Variants in ZNRF1 observed in about 807,000 individuals in gnomAD.
The protein encoded by ZNRF1 is zinc and ring finger 1.
ZNRF1 carries 3 observed loss-of-function variants against 18.4 expected under a neutral mutation model. The observed-to-expected ratio is 0.16, with a 90% confidence interval of 0.07 to 0.42. ZNRF1 has a LOEUF of 0.42. ZNRF1 is among the 10% of genes least tolerant of loss of function. The pLI is 0.99. For synonymous variants in ZNRF1, 157 were observed against 144.2 expected (o/e 1.09, Z -0.64); for missense variants, 310 against 329.8 (o/e 0.94, Z 0.47).
intron 1 of ZNRF1, among the ~76,000 whole-genome samples, chr16:75,032,994 A>G (rs926090414): frequency 2.6e-5 from 4 of 152,184 alleles, no homozygotes; most frequent in African/African-American, 7.2e-5. Flanking sequence ...TCTGGGTGAC[A>G]GAGCAAGACT....
chr16:75,106,949 G>A, intron 4 of ZNRF1: 1 of 211,882 alleles, frequency 4.7e-6, no homozygotes, highest in South Asian at 7.9e-5. Flanking sequence ...CTGAGTCTCC[G>A]CCTCTTCTAT....
chr16:75,075,107 A>T (rs1483091045), intron 1 of ZNRF1, among the ~76,000 whole-genome samples: 3 of 18,186 alleles, frequency 1.6e-4, no homozygotes, highest in Non-Finnish European at 3.4e-4. Flanking sequence ...GGTGGGTGGG[A>T]GGGAGTAAAT....
At chr16:75,036,718 A>G (rs1052054345) in intron 1 of ZNRF1, among the ~76,000 whole-genome samples, 1 of 152,178 alleles carries the variant, frequency 6.6e-6, no homozygotes, top group Non-Finnish European at 1.5e-5. Context: ...TTTAAAAGGG[A>G]TACTAATACC....
At chr16:75,005,861 G>A (rs2034910710) in intron 1 of ZNRF1, among the ~76,000 whole-genome samples, 2 of 152,092 alleles carry the variant, frequency 1.3e-5, no homozygotes, top group African/African-American at 4.8e-5. Flanking sequence ...TCTGAGAAAT[G>A]GGTCATTAAG....
At chr16:75,101,544 CAA>C (rs141541765) in intron 2 of ZNRF1, among the ~76,000 whole-genome samples, 1 of 146,406 alleles carries the variant, frequency 6.8e-6, no homozygotes, top group South Asian at 2.2e-4. Flanking sequence ...GACTCCATGT[CAA>C]AAAAAAAAGA....
intron 1 of ZNRF1, among the ~76,000 whole-genome samples, chr16:75,027,163 T>C (rs2035235921): frequency 2.0e-5 from 3 of 151,576 alleles, no homozygotes; most frequent in Admixed American, 2.0e-4. Flanking sequence ...CCCAGCACTT[T>C]GGGAGGCTGA....
At chr16:75,105,124 C>G (rs955339363) in intron 3 of ZNRF1, 4 of 447,570 alleles carry the variant, frequency 8.9e-6, no homozygotes, top group African/African-American at 4.0e-5. Context: ...TTTGAGGGCT[C>G]AGGTGGTGGG....
chr16:75,096,236 C>G (rs573642044), intron 2 of ZNRF1, among the ~76,000 whole-genome samples: 1 of 152,154 alleles, frequency 6.6e-6, no homozygotes, highest in Non-Finnish European at 1.5e-5. Flanking sequence ...TGTTCAGAAA[C>G]AATGGTCCGG....
At chr16:75,002,989 TG>T (rs2034872385) in intron 1 of ZNRF1, among the ~76,000 whole-genome samples, 1 of 152,222 alleles carries the variant, frequency 6.6e-6, no homozygotes, top group Non-Finnish European at 1.5e-5. Context: ...GTTTCGCTCT[TG>T]TTGCCCAGGC....
chr16:75,058,849 T>C (rs1480919690), intron 1 of ZNRF1, among the ~76,000 whole-genome samples: 3 of 152,238 alleles, frequency 2.0e-5, no homozygotes, highest in Admixed American at 1.3e-4. Context: ...GGAGATGCGC[T>C]GGGCTTTCTG....
At chr16:75,083,038 T>A (rs1201556556) in intron 1 of ZNRF1, among the ~76,000 whole-genome samples, 1 of 152,254 alleles carries the variant, frequency 6.6e-6, no homozygotes, top group African/African-American at 2.4e-5. Context: ...AATACCATAT[T>A]GAAAAAAATT....
rs532539767 is a variant in ZNRF1, at chr16:75,016,910, T to C, written c.424+16815T>C. On this transcript the variant is annotated intron_variant, in intron 1 of 4. Transcript: ENST00000335325. ...CATGGAAGGGCAAAACTGTGTTGGC[T>C]AACTGAATCTTTCTAAGGGACAAAT... Among the ~76,000 whole-genome samples the C allele has an allele frequency of 8.5e-5, 13 of 152,282 alleles. No individual in the cohort carries two copies. The East Asian group carries it at 2.5e-3, about 29-fold the overall frequency.
At chr16:75,017,837 C>T (rs1048917327) in intron 1 of ZNRF1, among the ~76,000 whole-genome samples, 5 of 152,100 alleles carry the variant, frequency 3.3e-5, no homozygotes, top group Non-Finnish European at 5.9e-5. Context: ...GGAAGTTTGG[C>T]TCAGCTGAGC....
intron 1 of ZNRF1, among the ~76,000 whole-genome samples, chr16:75,065,852 G>A (rs1006387524): frequency 6.6e-6 from 1 of 152,166 alleles, no homozygotes; most frequent in African/African-American, 2.4e-5. Context: ...TTATTAGCCA[G>A]ATCACGATTA....
chr16:75,059,907 G>T (rs1597886856), intron 1 of ZNRF1, among the ~76,000 whole-genome samples: 1 of 152,186 alleles, frequency 6.6e-6, no homozygotes. Flanking sequence ...ACAAAGTCTA[G>T]GGGATCAGAC....
At position 75,110,789 on chromosome 16, in the gene ZNRF1, G is replaced by C. The variant is rs2145437443; in HGVS notation, c.*3089G>C. The C allele has an allele frequency of 6.6e-6, 1 of 152,410 alleles. No individual in the cohort carries two copies. The highest frequency in any genetic ancestry group is 6.5e-5 in the Admixed American group (1 of 15,298). The allele number at this position is 152,410 out of a possible 1,614,324, so 9.4% of individuals were successfully genotyped here. On this transcript the variant is annotated 3_prime_UTR_variant, in exon 5 of 5. Coordinates refer to ENST00000335325, the MANE Select transcript of ZNRF1 (RefSeq NM_032268.5). ...AGTCCTACCCAGGAGGGAGAGCGCA[G>C]CTGCTGCAGGATTCTCGCCTGGAAG...
chr16:75,082,216 T>G (rs1480272938), intron 1 of ZNRF1, among the ~76,000 whole-genome samples: 1 of 152,026 alleles, frequency 6.6e-6, no homozygotes, highest in Non-Finnish European at 1.5e-5. Context: ...CGGACTCAGG[T>G]CATTGGACCA....
chr16:75,098,066 G>A (rs750777107), intron 2 of ZNRF1, among the ~76,000 whole-genome samples: 1 of 152,230 alleles, frequency 6.6e-6, no homozygotes, highest in Non-Finnish European at 1.5e-5. Context: ...TGGATGGGCT[G>A]GAGTCAGGCT....
chr16:75,070,487 G>A (rs1203179354), intron 1 of ZNRF1, among the ~76,000 whole-genome samples: 1 of 152,058 alleles, frequency 6.6e-6, no homozygotes, highest in Non-Finnish European at 1.5e-5. Flanking sequence ...TTCCTCTTTA[G>A]CATCCACATC....
Sources: gnomAD v4.1 joint callset for allele counts (sites outside exome capture counted in the v4.1 genomes callset) on GRCh38, gnomAD v4.1.1 for gene constraint, MANE v1.5 for transcripts, NCBI Gene and HGNC (gene_info 2026-07-23, HGNC 2026-07-21) for gene names.